Variants in GLYATL1 observed in about 807,000 individuals in gnomAD.
The protein encoded by GLYATL1 is glycine N-acyltransferase-like protein 1.
A neutral mutation model predicts 20.0 loss-of-function variants in GLYATL1; 15 were observed. That is an observed-to-expected ratio of 0.75 (90% confidence interval 0.50 to 1.15). The LOEUF (loss-of-function observed/expected upper bound fraction) is 1.15. GLYATL1 is among the 50% of genes most tolerant of loss of function. The pLI is 0.00. For synonymous variants in GLYATL1, 151 were observed against 131.5 expected (o/e 1.15, Z -1.01); for missense variants, 380 against 368.5 (o/e 1.03, Z -0.26).
chr11:58,952,759 C>A (rs1336935890), intron 4 of GLYATL1, among the ~76,000 whole-genome samples: 2 of 152,110 alleles, frequency 1.3e-5, no homozygotes, highest in Admixed American at 1.3e-4. Flanking sequence ...ACATTTATGC[C>A]CATGTGTGGT....
chr11:58,932,016 GT>G (rs1254683497), intron 1 of GLYATL1, among the ~76,000 whole-genome samples: 2 of 144,954 alleles, frequency 1.4e-5, no homozygotes, highest in African/African-American at 5.1e-5. Flanking sequence ...GGAGGCTGAG[GT>G]GGGAAAATCA....
At chr11:58,954,405 T>C (rs905894262) in intron 4 of GLYATL1, among the ~76,000 whole-genome samples, 7 of 152,166 alleles carry the variant, frequency 4.6e-5, no homozygotes, top group Non-Finnish European at 1.0e-4. Context: ...TTTATTCTGC[T>C]GGGTGCTTGG....
intron 1 of GLYATL1, among the ~76,000 whole-genome samples, chr11:58,916,554 C>G (rs1201348097): frequency 6.6e-6 from 1 of 152,180 alleles, no homozygotes; most frequent in Non-Finnish European, 1.5e-5. Context: ...CTGCTACCTC[C>G]CACAGAGGCT....
Position 58,955,200 on chromosome 11 carries a change from G to A in GLYATL1, c.338G>A (p.Gly113Glu), listed in dbSNP as rs1243335882. The change falls in exon 6 of 7, where the codon GGG (glycine) becomes GAG (glutamate). Residue 113 changes from glycine (G) to glutamate (E), a missense_variant. Gly to Glu is a moderately conservative substitution (Grantham distance 98, BLOSUM62 -2). Transcript: ENST00000532726. ...IQGLQESLGE[G>E]IRVATFSKSV... The stretch of plus-strand genomic sequence containing the variant: ...GGTCTTCAAGAAAGTTTAGGTGAGG[G>A]GATAAGAGTGGCTACATTTTCAAAG... 5 of 1,613,870 alleles carry A rather than the reference G, an allele frequency of 3.1e-6. No homozygotes were observed. Among genetic ancestry groups the A allele is most frequent in the Non-Finnish European group, 4.2e-6 (5 of 1,179,914 alleles).
chr11:58,943,611 G>T lies in GLYATL1; in HGVS notation c.-98G>T. ...CAGGAGCGCGAAGTGAACACGGAAG[G>T]TACCTGCAGGATCCAATTGTGTCCA... is the stretch of plus-strand genomic sequence containing the variant. On this transcript the variant is annotated 5_prime_UTR_variant, in exon 2 of 7. Transcript: ENST00000532726. 1 of 1,613,656 alleles carries T rather than the reference G, an allele frequency of 6.2e-7. No individual in the cohort carries two copies. Among genetic ancestry groups the T allele is most frequent in the Non-Finnish European group, 8.5e-7 (1 of 1,179,656 alleles).
At chr11:58,907,337 C>T in exon 2 of GLYATL1, 1 of 456,320 alleles carries the variant, frequency 2.2e-6, no homozygotes, top group Non-Finnish European at 4.4e-6. Context: ...TGTCTTGCTG[C>T]CCTTCCTTGC....
Position 58,947,153 on chromosome 11 carries a change from T to C in GLYATL1, c.66T>C (p.Pro22=). Residue 22 remains proline (P), a synonymous_variant, in exon 3 of 7, where the codon CCT becomes CCC. Transcript: ENST00000532726. ...ALYKSLARSI[P]ESLKVYGSVY... ...ACAAATCCTTGGCCAGGAGCATCCC[T>C]GAGTCCCTGAAGGTCAGGGAACAGT... 6.2e-7 allele frequency: 1 copy of C among 1,613,804 alleles called. No homozygotes were observed. Among genetic ancestry groups the C allele is most frequent in the South Asian group, 1.1e-5 (1 of 91,054 alleles).
At chr11:58,947,265 G>T (rs1430432224) in intron 3 of GLYATL1, 100 bp downstream of exon 3, 1 of 1,464,234 alleles carries the variant, frequency 6.8e-7, no homozygotes, top group Non-Finnish European at 9.0e-7. Context: ...TTTGCAGAGG[G>T]TTGGAGCTGG....
downstream of GLYATL1, among the ~76,000 whole-genome samples, chr11:58,909,091 C>T (rs1430011679): frequency 1.3e-5 from 2 of 152,094 alleles, no homozygotes; most frequent in African/African-American, 4.8e-5. Flanking sequence ...TAAATTGAGA[C>T]ATAAACAAGT....
At chr11:58,932,815 T>G (rs998116754) in intron 1 of GLYATL1, among the ~76,000 whole-genome samples, 9 of 152,212 alleles carry the variant, frequency 5.9e-5, no homozygotes, top group Non-Finnish European at 8.8e-5. Flanking sequence ...CTACTAATTT[T>G]AAAACAAATT....
At chr11:58,955,150 G>T (rs1857295157) in intron 5 of GLYATL1, 26 bp from the exon 6 acceptor site, 2 of 1,605,064 alleles carry the variant, frequency 1.2e-6, no homozygotes, top group East Asian at 2.2e-5. Flanking sequence ...TGTCTGACAA[G>T]ATTGCTTTCT....
At chr11:58,927,271 T>C (rs1327360968), upstream of GLYATL1, among the ~76,000 whole-genome samples, 14 of 152,224 alleles carry the variant, frequency 9.2e-5, no homozygotes, top group African/African-American at 3.4e-4. Flanking sequence ...CAGTGGCTAT[T>C]ATCTGAAAAG....
chr11:58,907,691 G>T (rs1429101592), exon 2 of GLYATL1: 1 of 190,204 alleles, frequency 5.3e-6, no homozygotes, highest in Non-Finnish European at 1.1e-5. Context: ...TTTTTGACTA[G>T]ATATCAAGCT....
intron 1 of GLYATL1, among the ~76,000 whole-genome samples, chr11:58,906,918 A>C (rs905814548): frequency 1.3e-5 from 2 of 152,246 alleles, no homozygotes; most frequent in Non-Finnish European, 2.9e-5. Context: ...TTCCATAGCT[A>C]CACCCCGACA....
chr11:58,940,064 ACACTCTTTTGT>A (rs1403928187), intron 1 of GLYATL1, among the ~76,000 whole-genome samples: 2 of 152,160 alleles, frequency 1.3e-5, no homozygotes, highest in Non-Finnish European at 2.9e-5. Context: ...TAATAAACTG[ACACTCTTTTGT>A]AACACTGTTT....
intron 1 of GLYATL1, among the ~76,000 whole-genome samples, chr11:58,922,469 A>G (rs1020828313): frequency 1.5e-4 from 23 of 152,134 alleles, no homozygotes; most frequent in African/African-American, 5.3e-4. Context: ...AGGCATTTGC[A>G]TAACTCAGGT....
downstream of GLYATL1, among the ~76,000 whole-genome samples, chr11:58,909,445 G>A (rs1229723483): frequency 6.6e-5 from 10 of 152,154 alleles, no homozygotes; most frequent in Admixed American, 6.5e-4. Context: ...GGAGGTGATA[G>A]ATAGGTTGAT....
At chr11:58,929,499 C>CT (rs1230401611) in intron 1 of GLYATL1, among the ~76,000 whole-genome samples, 1 of 152,080 alleles carries the variant, frequency 6.6e-6, no homozygotes, top group East Asian at 1.9e-4. Flanking sequence ...CTGCAGTTTT[C>CT]TTTTTTTGTA....
chr11:58,938,070 A>G (rs1033311542), upstream of GLYATL1, among the ~76,000 whole-genome samples: 3 of 152,256 alleles, frequency 2.0e-5, no homozygotes, highest in Non-Finnish European at 2.9e-5. Context: ...AATAGCTTTA[A>G]ATGTGTATAA....
Sources: gnomAD v4.1 joint callset for allele counts (sites outside exome capture counted in the v4.1 genomes callset) on GRCh38, gnomAD v4.1.1 for gene constraint, MANE v1.5 for transcripts, NCBI Gene and HGNC (gene_info 2026-07-23, HGNC 2026-07-21) for gene names.